NPIPB2: variants seen among roughly 807,000 people sequenced by gnomAD.
NPIPB2 encodes nuclear pore complex-interacting protein family member B2.
A neutral mutation model predicts 30.8 loss-of-function variants in NPIPB2; 27 were observed. That is an observed-to-expected ratio of 0.88 (90% CI 0.65 to 1.21). NPIPB2 has a LOEUF of 1.21. Among genes scored for constraint, NPIPB2 ranks in the 50% most tolerant of loss-of-function variants. NPIPB2 has a pLI of 0.00. For missense variants in NPIPB2, 440 were observed against 446.2 expected (o/e 0.99, Z 0.13); for synonymous variants, 147 against 162.0 (o/e 0.91, Z 0.70).
chr16:11,936,414 T>A (rs1475138904), intron 2 of NPIPB2, among the ~76,000 whole-genome samples: 1 of 149,048 alleles, frequency 6.7e-6, no homozygotes, highest in Non-Finnish European at 1.5e-5. Context: ...GATATCTTCA[T>A]AACTCATATA....
intron 1 of NPIPB2, among the ~76,000 whole-genome samples, chr16:11,972,465 C>T (rs906646554): frequency 4.6e-5 from 7 of 151,896 alleles, no homozygotes; most frequent in Non-Finnish European, 1.0e-4. Flanking sequence ...ATCCCAGCTA[C>T]TTTGGAGTGT....
intron 2 of NPIPB2, among the ~76,000 whole-genome samples, 169 bp downstream of exon 2, chr16:11,937,371 T>C (rs1008097583): frequency 2.0e-5 from 3 of 152,268 alleles, no homozygotes; most frequent in Admixed American, 6.5e-5. Context: ...TTAATTTTCA[T>C]AATGTAAATG....
intron 1 of NPIPB2, among the ~76,000 whole-genome samples, chr16:11,947,790 G>T (rs1456194513): frequency 6.6e-6 from 1 of 151,726 alleles, no homozygotes; most frequent in East Asian, 1.9e-4. Context: ...GGCCCAAGGT[G>T]TGGCATGGGG....
intron 1 of NPIPB2, among the ~76,000 whole-genome samples, chr16:11,954,179 T>C (rs376151787): frequency 3.3e-5 from 5 of 152,256 alleles, no homozygotes; most frequent in African/African-American, 1.2e-4. Context: ...AACGTGGAAT[T>C]GCTTGGTTAA....
chr16:11,933,207 G>A (rs183620497), intron 4 of NPIPB2, among the ~76,000 whole-genome samples: 22 of 151,636 alleles, frequency 1.5e-4, no homozygotes, highest in Middle Eastern at 3.4e-3. Flanking sequence ...AGCTGACATT[G>A]TGCCATTGCA....
At chr16:11,971,714 T>C (rs1472635041) in intron 1 of NPIPB2, among the ~76,000 whole-genome samples, 2 of 151,928 alleles carry the variant, frequency 1.3e-5, no homozygotes, top group African/African-American at 4.8e-5. Flanking sequence ...AGGCTGGTCT[T>C]GAACTCCTCA....
intron 2 of NPIPB2, among the ~76,000 whole-genome samples, chr16:11,937,260 G>A (rs908671803): frequency 2.6e-5 from 4 of 152,090 alleles, no homozygotes; most frequent in Non-Finnish European, 2.9e-5. Flanking sequence ...TTTAAGTGAC[G>A]AAACCTCATA....
At chr16:11,946,143 T>C (rs2055006508), upstream of NPIPB2, among the ~76,000 whole-genome samples, 1 of 151,876 alleles carries the variant, frequency 6.6e-6, no homozygotes, top group Non-Finnish European at 1.5e-5. Flanking sequence ...CCCAGCACTT[T>C]GGGAGGCCAG....
At chr16:11,946,674 T>C (rs2055013679), upstream of NPIPB2, among the ~76,000 whole-genome samples, 1 of 151,820 alleles carries the variant, frequency 6.6e-6, no homozygotes, top group South Asian at 2.1e-4. Flanking sequence ...AAACAGAAAC[T>C]CTCCCACATT....
chr16:11,943,620 T>C (rs1300554160), upstream of NPIPB2, among the ~76,000 whole-genome samples: 1 of 151,102 alleles, frequency 6.6e-6, no homozygotes, highest in Non-Finnish European at 1.5e-5. Context: ...GACAATCCCT[T>C]GAACCTGGGA....
chr16:11,975,309 G>A (rs571233986), intron 1 of NPIPB2, among the ~76,000 whole-genome samples: 109 of 142,372 alleles, frequency 7.7e-4, no homozygotes, highest in East Asian at 4.0e-3. Flanking sequence ...CACTACGCCC[G>A]GCTAATTTTT....
chr16:11,950,575 G>C (rs1338128815), intron 1 of NPIPB2, among the ~76,000 whole-genome samples: 1 of 152,128 alleles, frequency 6.6e-6, no homozygotes, highest in East Asian at 1.9e-4. Flanking sequence ...TTTATGCAAA[G>C]TCCCTACCAA....
intron 1 of NPIPB2, among the ~76,000 whole-genome samples, chr16:11,954,479 A>C (rs906588993): frequency 7.0e-6 from 1 of 142,150 alleles, no homozygotes; most frequent in Non-Finnish European, 1.6e-5. Context: ...CTCTGTCTTT[A>C]AAAAAAAAAA....
chr16:11,947,764 C>T (rs1281726525), intron 1 of NPIPB2, among the ~76,000 whole-genome samples: 1 of 151,590 alleles, frequency 6.6e-6, no homozygotes, highest in Admixed American at 6.6e-5. Context: ...TGACAAATTA[C>T]CCCTTGTGAT....
intron 1 of NPIPB2, chr16:11,965,099 C>T (rs2055182717): frequency 3.5e-6 from 2 of 573,554 alleles, no homozygotes; most frequent in Non-Finnish European, 6.2e-6. Flanking sequence ...CTGTCTCTTA[C>T]CCCATCCAAG....
chr16:11,939,043 G>A (rs1220635929), intron 1 of NPIPB2, among the ~76,000 whole-genome samples: 1 of 152,064 alleles, frequency 6.6e-6, no homozygotes, highest in African/African-American at 2.4e-5. Context: ...ACTGCACCTG[G>A]CCAGTAGTTA....
chr16:11,960,151 G>A (rs1012022210), intron 1 of NPIPB2, among the ~76,000 whole-genome samples: 3 of 152,098 alleles, frequency 2.0e-5, no homozygotes, highest in Non-Finnish European at 2.9e-5. Flanking sequence ...GATGGCCATA[G>A]TCTTCCATTG....
chr16:11,951,419 A>G (rs1456306481), intron 1 of NPIPB2, among the ~76,000 whole-genome samples: 32 of 134,176 alleles, frequency 2.4e-4, no homozygotes, highest in African/African-American at 9.0e-4. Context: ...AGCCGAGATC[A>G]TGCCACTGCA....
intron 1 of NPIPB2, among the ~76,000 whole-genome samples, chr16:11,961,581 A>T (rs892368003): frequency 1.3e-5 from 2 of 151,686 alleles, no homozygotes; most frequent in African/African-American, 4.8e-5. Context: ...GGAGTTCGAG[A>T]CCAGCCTGGC....
Sources: allele counts gnomAD v4.1 joint callset (sites outside exome capture counted in the v4.1 genomes callset), GRCh38; gene constraint gnomAD v4.1.1; transcripts MANE v1.5; gene names NCBI Gene and HGNC (gene_info 2026-07-23, HGNC 2026-07-21).